ZNF722: variants seen among roughly 807,000 people sequenced by gnomAD.
ZNF722 encodes the protein zinc finger protein 722, also known as zinc finger protein 479 pseudogene.
the ZNF722 span, chr7:64,016,143 A>C: frequency 7.0e-6 from 3 of 429,342 alleles, no homozygotes; most frequent in Non-Finnish European, 1.2e-5. Context: ...TTTATTTAAA[A>C]AAAATATTTT....
the ZNF722 span, among the ~76,000 whole-genome samples, chr7:64,013,868 T>C: frequency 2.0e-5 from 3 of 152,098 alleles, no homozygotes; most frequent in Admixed American, 2.0e-4. Flanking sequence ...AAGATCTTTA[T>C]TTTTTTCTTT....
the ZNF722 span, among the ~76,000 whole-genome samples, chr7:64,000,301 G>C: frequency 3.5e-4 from 52 of 149,272 alleles, no homozygotes; most frequent in African/African-American, 1.3e-3. Context: ...AGCTAATTTT[G>C]TATTTTTAAT....
chr7:64,007,346 C>T, the ZNF722 span, among the ~76,000 whole-genome samples: 1 of 151,656 alleles, frequency 6.6e-6, no homozygotes, highest in Non-Finnish European at 1.5e-5. Context: ...CACCCATTAA[C>T]TTGTCATGTA....
chr7:64,003,178 C>G, the ZNF722 span, among the ~76,000 whole-genome samples: 1 of 152,128 alleles, frequency 6.6e-6, no homozygotes, highest in Non-Finnish European at 1.5e-5. Context: ...AGGAAGAGGT[C>G]AGTGCGGTTC....
the ZNF722 span, among the ~76,000 whole-genome samples, chr7:64,003,808 G>A: frequency 6.6e-6 from 1 of 152,142 alleles, no homozygotes; most frequent in African/African-American, 2.4e-5. Context: ...ACATGAGAAG[G>A]TGTAAATACT....
chr7:64,002,545 C>T, the ZNF722 span, among the ~76,000 whole-genome samples: 6 of 151,982 alleles, frequency 3.9e-5, no homozygotes, highest in Admixed American at 6.6e-5. Context: ...TTATTCTATA[C>T]GTTTTCTTTT....
At chr7:64,014,904 G>A in the ZNF722 span, 1 of 749,254 alleles carries the variant, frequency 1.3e-6, no homozygotes, top group African/African-American at 1.7e-5. Flanking sequence ...AAGGAATTAT[G>A]GCCTGTGGTA....
At chr7:64,004,432 A>ATT in the ZNF722 span, among the ~76,000 whole-genome samples, 1 of 118,022 alleles carries the variant, frequency 8.5e-6, no homozygotes, top group Non-Finnish European at 1.8e-5. Flanking sequence ...AAAAATATAT[A>ATT]TATATATATA....
the ZNF722 span, chr7:63,998,926 T>A: frequency 1.3e-6 from 2 of 1,568,528 alleles, no homozygotes. Context: ...AGGCCAAGCC[T>A]CTGTGGCCTT....
the ZNF722 span, chr7:64,015,801 A>T: frequency 5.6e-6 from 9 of 1,611,036 alleles, no homozygotes; most frequent in Non-Finnish European, 7.6e-6. Flanking sequence ...ACATAAGAGA[A>T]TTCATACTGG....
the ZNF722 span, chr7:64,006,230 C>T: frequency 7.9e-7 from 1 of 1,272,130 alleles, no homozygotes; most frequent in East Asian, 2.6e-5. Flanking sequence ...ACAGGTATTG[C>T]TGACTCTAAG....
At chr7:64,012,928 G>T in the ZNF722 span, among the ~76,000 whole-genome samples, 1 of 152,218 alleles carries the variant, frequency 6.6e-6, no homozygotes, top group Admixed American at 6.5e-5. Flanking sequence ...AAAGGAACTT[G>T]GTTCCTCCAC....
At chr7:64,002,203 C>T in the ZNF722 span, among the ~76,000 whole-genome samples, 9 of 152,160 alleles carry the variant, frequency 5.9e-5, no homozygotes, top group East Asian at 7.7e-4. Flanking sequence ...TATGTCTCGA[C>T]GTTCTTCATT....
the ZNF722 span, among the ~76,000 whole-genome samples, chr7:63,999,303 C>T: frequency 1.3e-5 from 2 of 152,180 alleles, no homozygotes; most frequent in African/African-American, 2.4e-5. Context: ...ATGGGAAAGT[C>T]ATCAGGGGAG....
the ZNF722 span, among the ~76,000 whole-genome samples, chr7:64,013,109 C>T: frequency 2.0e-5 from 3 of 152,080 alleles, no homozygotes; most frequent in Admixed American, 6.6e-5. Context: ...ATTACCCAGT[C>T]TCAGGTTATT....
chr7:64,016,013 T>A, the ZNF722 span: 1 of 838,684 alleles, frequency 1.2e-6, no homozygotes, highest in Non-Finnish European at 1.8e-6. Context: ...GACAAACCTT[T>A]AACAAGTTCC....
At chr7:64,017,352 G>GACA in the ZNF722 span, among the ~76,000 whole-genome samples, 11 of 122,866 alleles carry the variant, frequency 9.0e-5, no homozygotes, top group Non-Finnish European at 1.5e-4. Context: ...CTGCTACACT[G>GACA]CAGCCTGGGT....
At chr7:64,008,631 G>GT in the ZNF722 span, among the ~76,000 whole-genome samples, 1 of 152,186 alleles carries the variant, frequency 6.6e-6, no homozygotes, top group Non-Finnish European at 1.5e-5. Context: ...GTACCATGCT[G>GT]TTTTGGTTAC....
the ZNF722 span, among the ~76,000 whole-genome samples, chr7:64,007,230 G>GTATATATATATATATATATATATATA: frequency 9.1e-4 from 126 of 138,346 alleles, 1 homozygote; most frequent in Middle Eastern, 4.0e-3. Context: ...GTTTGTGTGT[G>GTATATATATATATATATATATATATA]TATATATATA....
Sources: gnomAD v4.1 joint callset for allele counts (sites outside exome capture counted in the v4.1 genomes callset) on GRCh38, gnomAD v4.1.1 for gene constraint, MANE v1.5 for transcripts, NCBI Gene and HGNC (gene_info 2026-07-23, HGNC 2026-07-21) for gene names.